CFAP44: variants seen among roughly 807,000 people sequenced by gnomAD.
The protein encoded by CFAP44 is cilia- and flagella-associated protein 44.
Under a neutral mutation model 216.2 loss-of-function variants are expected in CFAP44, and 134 were observed. The ratio of observed to expected loss-of-function variants is 0.62; its 90% CI spans 0.54 to 0.72. The LOEUF is 0.72. Among genes scored for constraint, CFAP44 ranks in the 30% least tolerant of loss-of-function variants. CFAP44 has a pLI of 0.00. For synonymous variants in CFAP44, 700 were observed against 727.6 expected, an observed-to-expected ratio of 0.96 and a Z score of 0.61; for missense variants, 2,035 against 2,182.1, an observed-to-expected ratio of 0.93 and a Z score of 1.34.
At chr3:113,329,757 A>G (rs1474255950) in intron 26 of CFAP44, among the ~76,000 whole-genome samples, 1 of 152,208 alleles carries the variant, frequency 6.6e-6, no homozygotes, top group Non-Finnish European at 1.5e-5. Context: ...TATTAGAGAA[A>G]AAGGATGGTG....
chr3:113,356,296 A>G (rs962441882), intron 22 of CFAP44, among the ~76,000 whole-genome samples: 3 of 151,832 alleles, frequency 2.0e-5, no homozygotes, highest in African/African-American at 7.2e-5. Flanking sequence ...CTAAATAGGA[A>G]TTTATTTCTT....
intron 13 of CFAP44, among the ~76,000 whole-genome samples, chr3:113,398,199 A>C (rs746590516): frequency 6.6e-6 from 1 of 152,224 alleles, no homozygotes; most frequent in African/African-American, 2.4e-5. Flanking sequence ...ACCATGAAAA[A>C]CAGTCTAGTG....
intron 23 of CFAP44, among the ~76,000 whole-genome samples, chr3:113,343,409 T>A (rs1172795667): frequency 2.0e-5 from 3 of 152,170 alleles, no homozygotes; most frequent in African/African-American, 7.2e-5. Context: ...TGTTCAAGCT[T>A]TAGAGACATG....
chr3:113,362,790 G>A (rs1183211727), intron 21 of CFAP44: 16 of 748,012 alleles, frequency 2.1e-5, no homozygotes, highest in Non-Finnish European at 2.6e-5. Flanking sequence ...GCCACCGGAC[G>A]CTTCAGGCCA....
intron 15 of CFAP44, among the ~76,000 whole-genome samples, chr3:113,388,203 G>C (rs113938890): frequency 0.012 from 1,774 of 152,274 alleles, 37 homozygotes; most frequent in African/African-American, 0.04. Context: ...GCAGTAGCCA[G>C]GGAGTGGTTA....
chr3:113,422,121 C>T (rs914444645), intron 4 of CFAP44, among the ~76,000 whole-genome samples: 10 of 151,952 alleles, frequency 6.6e-5, no homozygotes, highest in Non-Finnish European at 1.5e-4. Flanking sequence ...TAAATGAGCT[C>T]AATCTATGAA....
chr3:113,403,076 T>A (rs1221156817), intron 9 of CFAP44, among the ~76,000 whole-genome samples: 1 of 148,248 alleles, frequency 6.7e-6, no homozygotes, highest in African/African-American at 2.5e-5. Flanking sequence ...GGCAACAGAG[T>A]GACCAGACTC....
At chr3:113,420,301 A>G in intron 4 of CFAP44, 122 bp from the exon 5 acceptor site, 1 of 1,017,136 alleles carries the variant, frequency 9.8e-7, no homozygotes, top group Non-Finnish European at 1.3e-6. Context: ...AAGTAGTTGA[A>G]TTTTACCCTG....
At chr3:113,345,011 G>C (rs1950367195) in intron 22 of CFAP44, among the ~76,000 whole-genome samples, 1 of 149,648 alleles carries the variant, frequency 6.7e-6, no homozygotes, top group Non-Finnish European at 1.5e-5. Context: ...GCAGTTTAAT[G>C]GTAAATAGAT....
rs138612294 is a variant in CFAP44, at chr3:113,299,988, G to A, written c.5078-3103C>T. Among the ~76,000 whole-genome samples, 744 of 152,278 alleles carry A rather than the reference G, an allele frequency of 4.9e-3. 6 individuals are homozygous for A. Among genetic ancestry groups the A allele is most frequent in the African/African-American group, 0.016 (655 of 41,542 alleles). On this transcript the variant is annotated intron_variant, in intron 32 of 34. Transcript: ENST00000393845. ...CAAGGCTGCAGTAAGCCATGATTGC[G>A]CTACTGCACTCCAGCCTGGAAGACA... is the stretch of plus-strand genomic sequence containing the variant.
intron 22 of CFAP44, among the ~76,000 whole-genome samples, chr3:113,357,580 C>T (rs1950502662): frequency 6.6e-6 from 1 of 152,200 alleles, no homozygotes; most frequent in South Asian, 2.1e-4. Flanking sequence ...AAAGAACCAA[C>T]TTGCCTGACA....
intron 2 of CFAP44, among the ~76,000 whole-genome samples, chr3:113,430,429 G>GAAAAAAAA (rs754983161): frequency 2.7e-5 from 2 of 74,212 alleles, no homozygotes; most frequent in Admixed American, 1.6e-4. Context: ...AAAAATAAAT[G>GAAAAAAAA]AAAAAAAAAA....
intron 28 of CFAP44, among the ~76,000 whole-genome samples, chr3:113,309,742 A>G (rs1441033898): frequency 6.6e-6 from 1 of 152,202 alleles, no homozygotes; most frequent in Non-Finnish European, 1.5e-5. Flanking sequence ...TGGAGAGAAG[A>G]AAGTAGAGCA....
intron 34 of CFAP44, among the ~76,000 whole-genome samples, chr3:113,292,527 G>A (rs573703865): frequency 6.6e-5 from 10 of 152,308 alleles, no homozygotes; most frequent in East Asian, 1.9e-4. Flanking sequence ...TAATACTTGC[G>A]TGGTGCCCAC....
chr3:113,386,223 C>T (rs1933646362), intron 15 of CFAP44, among the ~76,000 whole-genome samples: 1 of 152,116 alleles, frequency 6.6e-6, no homozygotes, highest in Non-Finnish European at 1.5e-5. Context: ...GCAATCCCTG[C>T]TCATGTTTGG....
In CFAP44 at chr3:113,358,263, T is replaced by A. The variant is rs558163776; in HGVS notation, c.3065+482A>T. Among the ~76,000 whole-genome samples the A allele has an allele frequency of 2.4e-4, 36 of 152,194 alleles. No individual in the cohort carries two copies. The South Asian group carries it at 7.5e-3, about 32-fold the overall frequency. On this transcript the variant is annotated intron_variant, in intron 22 of 34. Transcript: ENST00000393845. ...TGAGTAGTAGATATATTTATACATC[T>A]GTAAAAAATTTTCAAGATGTTAAGA...
intron 15 of CFAP44, among the ~76,000 whole-genome samples, chr3:113,385,722 C>A (rs1933632646): frequency 6.6e-6 from 1 of 152,050 alleles, no homozygotes; most frequent in Non-Finnish European, 1.5e-5. Context: ...TCACTGAAAC[C>A]TCTGCCTCCC....
chr3:113,304,837 G>A lies in CFAP44; in HGVS notation c.4875+199C>T, dbSNP rs191881361. ...TTTCCAAAGTGCTAATGGGCCACAG[G>A]GAAATATCCATGTTTTGATGTTACT... On this transcript the variant is annotated intron_variant, in intron 31 of 34. Coordinates refer to ENST00000393845, the MANE Select transcript of CFAP44 (RefSeq NM_001164496.2). 2.0e-4 allele frequency among the ~76,000 whole-genome samples: 31 copies of A among 152,248 alleles called. 1 individual carries two copies. Among genetic ancestry groups the A allele is most frequent in the Admixed American group, 1.9e-3 (29 of 15,300 alleles).
rs1433146000 is a variant in CFAP44, at chr3:113,303,995, C to T, written c.4998G>A (p.Gln1666=). Reference sequence around the variant, plus strand: ...CTCTCCATTCTTTGTTAAGTTTTTGCTGCTTGGAATTTTCCTCCTGGAGCT... The same window carrying T: ...CTCTCCATTCTTTGTTAAGTTTTTGTTGCTTGGAATTTTCCTCCTGGAGCT... The part of the protein sequence containing the change: ...IHELQEENSK[Q]QKLNKEWRER... The change falls in exon 32 of 35, where the codon CAG becomes CAA. Residue 1666 remains glutamine (Q), a synonymous_variant. Coordinates refer to ENST00000393845, the MANE Select transcript of CFAP44 (RefSeq NM_001164496.2). The T allele has an allele frequency of 2.0e-6, 3 of 1,537,644 alleles. No homozygotes were observed. The highest frequency in any genetic ancestry group is 2.4e-5 in the South Asian group (2 of 84,038).
Sources: allele counts gnomAD v4.1 joint callset (sites outside exome capture counted in the v4.1 genomes callset), GRCh38; gene constraint gnomAD v4.1.1; transcripts MANE v1.5; gene names NCBI Gene and HGNC (gene_info 2026-07-23, HGNC 2026-07-21).